The following CSMD1 variants were observed in gnomAD, a reference collection of about 807,000 sequenced individuals.
CSMD1 encodes CUB and sushi domain-containing protein 1.
CSMD1 carries 213 observed loss-of-function variants against 417.5 expected under a neutral mutation model. The ratio of observed to expected loss-of-function variants is 0.51; its 90% CI spans 0.46 to 0.57. The LOEUF is 0.57. Ranked by LOEUF, CSMD1 falls within the 20% of genes least tolerant of loss-of-function variation. CSMD1 has a pLI of 0.00. For synonymous variants in CSMD1, 2,862 were observed against 1,736.8 expected (o/e 1.65, Z -16.11); for missense variants, 6,923 against 4,529.7 (o/e 1.53, Z -15.17).
intron 5 of CSMD1, among the ~76,000 whole-genome samples, chr8:3,830,655 T>C (rs1173946434): frequency 3.3e-5 from 5 of 152,148 alleles, no homozygotes; most frequent in African/African-American, 7.2e-5. Context: ...TCAATGTGCC[T>C]AGGAATTCAC....
chr8:4,943,856 G>C (rs958256350), intron 1 of CSMD1, among the ~76,000 whole-genome samples: 18 of 152,298 alleles, frequency 1.2e-4, no homozygotes, highest in African/African-American at 4.1e-4. Context: ...CCAAGATAGA[G>C]CCATAAATAA....
intron 54 of CSMD1, among the ~76,000 whole-genome samples, chr8:2,985,184 C>G (rs894820114): frequency 1.1e-4 from 17 of 152,172 alleles, no homozygotes; most frequent in Non-Finnish European, 2.5e-4. Flanking sequence ...ATTCTGTAAG[C>G]AGACTGGAAA....
intron 2 of CSMD1, among the ~76,000 whole-genome samples, chr8:4,556,596 G>C (rs969587410): frequency 2.6e-5 from 4 of 152,118 alleles, no homozygotes; most frequent in Admixed American, 6.5e-5. Flanking sequence ...TAAACGAATA[G>C]TATATGGTAA....
chr8:4,870,639 C>A (rs930743445), intron 1 of CSMD1, among the ~76,000 whole-genome samples: 3 of 152,058 alleles, frequency 2.0e-5, no homozygotes, highest in African/African-American at 7.3e-5. Flanking sequence ...TCCCAGCGCA[C>A]CACGAGTGAG....
chr8:3,771,736 A>G (rs907078729), intron 5 of CSMD1, among the ~76,000 whole-genome samples: 23 of 152,140 alleles, frequency 1.5e-4, no homozygotes, highest in African/African-American at 5.6e-4. Context: ...ATTCAATGAC[A>G]TTGACTGTGT....
chr8:3,665,394 T>C (rs1373859700), intron 7 of CSMD1, among the ~76,000 whole-genome samples: 6 of 152,022 alleles, frequency 3.9e-5, no homozygotes, highest in Non-Finnish European at 8.8e-5. Context: ...CCAGGTGTGG[T>C]GGCATGCACC....
chr8:3,113,657 A>G (rs899629346), intron 42 of CSMD1, among the ~76,000 whole-genome samples: 8 of 152,114 alleles, frequency 5.3e-5, no homozygotes, highest in Admixed American at 3.9e-4. Flanking sequence ...CCCTTCGTTC[A>G]TTGACATCCC....
At chr8:4,359,925 C>T (rs1358853580) in intron 3 of CSMD1, among the ~76,000 whole-genome samples, 1 of 152,178 alleles carries the variant, frequency 6.6e-6, no homozygotes, top group Non-Finnish European at 1.5e-5. Context: ...CATCAACGTT[C>T]AGTGAAAGAA....
At chr8:4,500,181 C>T (rs1332118709) in intron 2 of CSMD1, among the ~76,000 whole-genome samples, 2 of 152,064 alleles carry the variant, frequency 1.3e-5, no homozygotes, top group African/African-American at 4.8e-5. Context: ...TGGGAGAATA[C>T]AATGTCTCTG....
At chr8:4,284,306 T>G (rs1014531608) in intron 3 of CSMD1, among the ~76,000 whole-genome samples, 9 of 151,900 alleles carry the variant, frequency 5.9e-5, no homozygotes, top group Admixed American at 2.0e-4. Flanking sequence ...AGGCGGAGGT[T>G]GCCGTGAGCC....
At chr8:4,157,253 G>T (rs938351327) in intron 3 of CSMD1, among the ~76,000 whole-genome samples, 2 of 152,210 alleles carry the variant, frequency 1.3e-5, no homozygotes, top group African/African-American at 4.8e-5. Context: ...GGGCCCGTTT[G>T]TCTACATCCT....
At chr8:4,839,487 C>G (rs1284216802) in intron 1 of CSMD1, among the ~76,000 whole-genome samples, 1 of 152,180 alleles carries the variant, frequency 6.6e-6, no homozygotes, top group Non-Finnish European at 1.5e-5. Context: ...AAAATCCTAA[C>G]TCAGCTAACA....
intron 3 of CSMD1, among the ~76,000 whole-genome samples, chr8:4,390,343 C>G (rs1803756863): frequency 6.6e-6 from 1 of 151,968 alleles, no homozygotes; most frequent in Non-Finnish European, 1.5e-5. Context: ...AGAGAAATAA[C>G]CATAATAATA....
intron 5 of CSMD1, among the ~76,000 whole-genome samples, chr8:3,855,237 A>G (rs138643792): frequency 3.3e-5 from 5 of 152,340 alleles, no homozygotes; most frequent in Admixed American, 6.5e-5. Context: ...TTTGTAAAAG[A>G]AGAAATAACC....
intron 1 of CSMD1, among the ~76,000 whole-genome samples, chr8:4,726,447 C>G (rs1374748205): frequency 6.6e-6 from 1 of 152,112 alleles, no homozygotes; most frequent in Non-Finnish European, 1.5e-5. Context: ...TACTCCAGCT[C>G]TTTGTGCTCC....
At chr8:3,831,752 G>C (rs1349847633) in intron 5 of CSMD1, among the ~76,000 whole-genome samples, 1 of 152,012 alleles carries the variant, frequency 6.6e-6, no homozygotes, top group African/African-American at 2.4e-5. Context: ...TTCTCGGATG[G>C]GTAGCACAAC....
chr8:4,557,691 G>A (rs868656103), intron 2 of CSMD1, among the ~76,000 whole-genome samples: 12 of 151,952 alleles, frequency 7.9e-5, no homozygotes, highest in South Asian at 4.2e-4. Flanking sequence ...AGGAATAGAA[G>A]GAAGGAAAAA....
At chr8:4,577,449 C>T (rs777434295) in intron 2 of CSMD1, among the ~76,000 whole-genome samples, 1 of 152,152 alleles carries the variant, frequency 6.6e-6, no homozygotes, top group African/African-American at 2.4e-5. Context: ...CCAACAGGCT[C>T]CCAGCTCCAA....
rs114693460 is a variant in CSMD1 at position 3,582,295 on chromosome 8, T to C, written c.1222+3841A>G. Among the ~76,000 whole-genome samples the C allele has an allele frequency of 2.8e-3, 433 of 152,320 alleles. 3 individuals carry two copies. Among genetic ancestry groups the C allele is most frequent in the African/African-American group, 1.0e-2 (414 of 41,574 alleles). On this transcript the variant is annotated intron_variant, in intron 9 of 69. Coordinates refer to ENST00000635120, the MANE Select transcript of CSMD1 (RefSeq NM_033225.6). ...TAAAAAGTTATAAAAGCTCCACTTT[T>C]ATAAATGTTTTTCACCTCTTCTCTA...
Sources: allele counts gnomAD v4.1 joint callset (sites outside exome capture counted in the v4.1 genomes callset), GRCh38; gene constraint gnomAD v4.1.1; transcripts MANE v1.5; gene names NCBI Gene and HGNC (gene_info 2026-07-23, HGNC 2026-07-21).